The following PREP variants were observed in gnomAD, a reference collection of about 807,000 sequenced individuals.
PREP encodes prolyl endopeptidase.
In PREP, 29 loss-of-function variants were observed where a neutral mutation model predicts 87.6. That is an observed-to-expected ratio of 0.33 (90% CI 0.25 to 0.45). The LOEUF (loss-of-function observed/expected upper bound fraction) is 0.45. PREP is among the 20% of genes least tolerant of loss of function. PREP has a pLI of 1.00. For synonymous variants in PREP, 337 were observed against 328.6 expected, an observed-to-expected ratio of 1.03 and a Z score of -0.28; for missense variants, 695 against 886.5, an observed-to-expected ratio of 0.78 and a Z score of 2.74.
Position 105,281,653 on chromosome 6 carries a change from G to A in PREP, c.1838+93C>T, listed in dbSNP as rs889672604. The A allele has an allele frequency of 2.8e-6, 4 of 1,446,838 alleles. No homozygotes were observed. In the African/African-American group the frequency reaches 5.7e-5, roughly 21 times the overall value. The allele number at this position is 1,446,838 out of a possible 1,614,324, so 89.6% of individuals were successfully genotyped here. ...AGATTATATGCAAATGCAAGACCCTGACAGTGACAAAGCTCAAGCACTAAT... is the reference window on the plus strand; with the variant it reads ...AGATTATATGCAAATGCAAGACCCTAACAGTGACAAAGCTCAAGCACTAAT... On this transcript the variant is annotated intron_variant, in intron 14 of 14. Coordinates refer to ENST00000652536, the MANE Select transcript of PREP (RefSeq NM_002726.5).
intron 10 of PREP, among the ~76,000 whole-genome samples, chr6:105,320,916 T>C (rs1168794214): frequency 6.6e-6 from 1 of 152,244 alleles, no homozygotes; most frequent in Non-Finnish European, 1.5e-5. Context: ...GAGGTCATTG[T>C]TGGCAACACT....
At chr6:105,361,799 C>G (rs937790803) in intron 6 of PREP, among the ~76,000 whole-genome samples, 1 of 152,108 alleles carries the variant, frequency 6.6e-6, no homozygotes, top group Non-Finnish European at 1.5e-5. Flanking sequence ...TTAAAACTAA[C>G]CACCTACAAT....
chr6:105,343,244 T>A (rs2114671946), intron 7 of PREP, among the ~76,000 whole-genome samples: 1 of 152,334 alleles, frequency 6.6e-6, no homozygotes, highest in Non-Finnish European at 1.5e-5. Context: ...CCATCTGATC[T>A]TTGACAAACC....
In PREP at chr6:105,275,779, G is replaced by A. The variant is rs937478140; in HGVS notation, c.*2365C>T. ...GAAAAAGACTGAGATCCTGTCATTT[G>A]CAGCAACATGGATGGAACTGAAGGT... On this transcript the variant is annotated 3_prime_UTR_variant, in exon 15 of 15. Transcript: ENST00000652536. 1.3e-5 allele frequency among the ~76,000 whole-genome samples: 2 copies of A among 152,186 alleles called. No homozygotes were observed. Among genetic ancestry groups the A allele is most frequent in the African/African-American group, 4.8e-5 (2 of 41,436 alleles).
At position 105,371,485 on chromosome 6, in the gene PREP, A is replaced by G. The variant is rs924020772; in HGVS notation, c.595+1884T>C. Among the ~76,000 whole-genome samples, 7 of 128,532 alleles carry G rather than the reference A, an allele frequency of 5.4e-5. No homozygotes were observed. In the East Asian group the frequency reaches 1.5e-3, roughly 28 times the overall value. The allele number at this position is 128,532 out of a possible 152,430, so 84.3% of individuals were successfully genotyped here. On this transcript the variant is annotated intron_variant, in intron 5 of 14. Transcript: ENST00000652536. Reference sequence around the variant, plus strand: ...CACTGCACTCCAGCCTGGGTGACACAGTGAGATTCCATCTCAAAAAAAAAA... The same window carrying G: ...CACTGCACTCCAGCCTGGGTGACACGGTGAGATTCCATCTCAAAAAAAAAA...
intron 7 of PREP, among the ~76,000 whole-genome samples, chr6:105,344,186 C>A (rs570395408): frequency 1.3e-5 from 2 of 152,288 alleles, no homozygotes; most frequent in East Asian, 3.9e-4. Flanking sequence ...GAACACTATG[C>A]AGCCATAAAA....
chr6:105,295,711 GTTA>G (rs1304648263), intron 10 of PREP, among the ~76,000 whole-genome samples: 1 of 152,162 alleles, frequency 6.6e-6, no homozygotes, highest in East Asian at 1.9e-4. Context: ...ACACATAGGA[GTTA>G]TTATTATATA....
intron 12 of PREP, among the ~76,000 whole-genome samples, chr6:105,284,906 A>T (rs1770158523): frequency 6.6e-6 from 1 of 152,240 alleles, no homozygotes; most frequent in African/African-American, 2.4e-5. Context: ...GACGGAATAA[A>T]ACTAGAAAAA....
chr6:105,383,683 G>T (rs1484666378), intron 2 of PREP, among the ~76,000 whole-genome samples: 4 of 152,052 alleles, frequency 2.6e-5, no homozygotes, highest in Admixed American at 2.6e-4. Context: ...GTCCCCGTGT[G>T]GGTAAATCAA....
At chr6:105,354,624 G>A (rs1463705939) in intron 6 of PREP, among the ~76,000 whole-genome samples, 1 of 151,848 alleles carries the variant, frequency 6.6e-6, no homozygotes. Flanking sequence ...TCAGTTGATG[G>A]CCTTAACAGA....
chr6:105,362,983 A>C (rs1772294098), intron 6 of PREP, among the ~76,000 whole-genome samples: 1 of 152,206 alleles, frequency 6.6e-6, no homozygotes, highest in Non-Finnish European at 1.5e-5. Context: ...GGGAAGAGTA[A>C]GGAAATTAAC....
At chr6:105,364,104 G>A (rs912793) in intron 6 of PREP, among the ~76,000 whole-genome samples, 58,807 of 152,132 alleles carry the variant, frequency 0.39, 16,223 homozygotes, top group African/African-American at 0.79. Flanking sequence ...AACTAACAGG[G>A]TGAATAGGCA....
chr6:105,279,732 T>C (rs1426755455), intron 14 of PREP, among the ~76,000 whole-genome samples: 1 of 152,144 alleles, frequency 6.6e-6, no homozygotes, highest in Non-Finnish European at 1.5e-5. Context: ...GCAGGTGAAA[T>C]GCAGCCCTGT....
chr6:105,278,177 G>A lies in PREP; in HGVS notation c.2100C>T (p.Ile700=), dbSNP rs141804694. 99 of 1,613,468 alleles carry A rather than the reference G, an allele frequency of 6.1e-5. 1 individual carries two copies. Among genetic ancestry groups the A allele is most frequent in the East Asian group, 2.2e-5 (1 of 44,840 alleles). The change falls in exon 15 of 15, where the codon ATC becomes ATT. Residue 700 remains isoleucine (I), a synonymous_variant. Coordinates refer to ENST00000652536, the MANE Select transcript of PREP (RefSeq NM_002726.5). The surrounding 1 kb of genome is among the most constrained non-coding windows in gnomAD (Gnocchi z 4.2). The stretch of plus-strand genomic sequence containing the variant: ...TCCAGTCGACGTTCAGGCACCGCGC[G>A]ATGAACGCAAACATGTCTGAGACTT... ...IEEVSDMFAF[I]ARCLNVDWIP
rs1773109661 is a variant in PREP, at chr6:105,390,405, A to C, written c.120+7448T>G. On this transcript the variant is annotated intron_variant, in intron 2 of 14. Coordinates refer to ENST00000652536, the MANE Select transcript of PREP (RefSeq NM_002726.5). ...GTTCTCTTCTCAAGGTCTGTGAAGG[A>C]AATGGAGTTGTTGTTACTCTCATTT... 2.0e-5 allele frequency among the ~76,000 whole-genome samples: 3 copies of C among 152,342 alleles called. No homozygotes were observed. The South Asian group carries it at 6.2e-4, about 32-fold the overall frequency.
chr6:105,308,679 C>G (rs949618176), intron 10 of PREP, among the ~76,000 whole-genome samples: 2 of 151,984 alleles, frequency 1.3e-5, no homozygotes, highest in Admixed American at 6.5e-5. Flanking sequence ...AAAAGTTTCA[C>G]TTTTATAGGT....
intron 10 of PREP, among the ~76,000 whole-genome samples, chr6:105,291,127 A>T (rs978034136): frequency 6.6e-6 from 1 of 152,200 alleles, no homozygotes; most frequent in Non-Finnish European, 1.5e-5. Flanking sequence ...TATTGCTAAA[A>T]AAAACACTAA....
At chr6:105,319,781 AG>A (rs758625442) in intron 10 of PREP, among the ~76,000 whole-genome samples, 17 of 152,332 alleles carry the variant, frequency 1.1e-4, no homozygotes, top group Admixed American at 7.2e-4. Flanking sequence ...TACCCAAGCC[AG>A]GATGGCCTCT....
rs1423719260 is a variant in PREP at position 105,376,185 on chromosome 6, C to T, written c.325G>A (p.Glu109Lys). 6.2e-7 allele frequency: 1 copy of T among 1,613,850 alleles called. No individual in the cohort carries two copies. The highest frequency in any genetic ancestry group is 8.5e-7 in the Non-Finnish European group (1 of 1,179,914). ...TTGGGGTCCAGGAACACTCTGGCCTCACCCTCTAAGGAATCCTGTACATAT... is the reference window on the plus strand; with the variant it reads ...TTGGGGTCCAGGAACACTCTGGCCTTACCCTCTAAGGAATCCTGTACATAT... ...VLYVQDSLEG[E>K]ARVFLDPNIL... The change falls in exon 4 of 15, where the codon GAG becomes AAG. Residue 109 changes from glutamate (E) to lysine (K), a missense_variant. By Grantham distance (56) the Glu-to-Lys change is moderately conservative. Transcript: ENST00000652536.
Sources: gnomAD v4.1 joint callset for allele counts (sites outside exome capture counted in the v4.1 genomes callset) on GRCh38, gnomAD v4.1.1 for gene constraint, Gnocchi (gnomAD v3.1) non-coding constraint, MANE v1.5 for transcripts, NCBI Gene and HGNC (gene_info 2026-07-23, HGNC 2026-07-21) for gene names.